Variants in UBE2E1 observed in about 807,000 individuals in gnomAD.
UBE2E1 encodes ubiquitin-conjugating enzyme E2 E1.
Under a neutral mutation model 21.4 loss-of-function variants are expected in UBE2E1, and 6 were observed. The observed-to-expected ratio is 0.28, with a 90% CI of 0.15 to 0.55. The LOEUF (loss-of-function observed/expected upper bound fraction) is 0.55. UBE2E1 is among the 20% of genes least tolerant of loss of function. UBE2E1 has a pLI of 0.93. For synonymous variants in UBE2E1, 87 were observed against 82.7 expected (o/e 1.05, Z -0.28); for missense variants, 142 against 236.5 (o/e 0.60, Z 2.62).
chr3:23,861,885 ATTC>A (rs1298477777), intron 3 of UBE2E1, among the ~76,000 whole-genome samples: 2 of 152,212 alleles, frequency 1.3e-5, no homozygotes, highest in East Asian at 3.9e-4. Context: ...ATGTGATCCT[ATTC>A]TTCTGGTATG....
chr3:23,844,446 A>AGG (rs1373947913), intron 3 of UBE2E1, among the ~76,000 whole-genome samples: 4 of 152,190 alleles, frequency 2.6e-5, no homozygotes, highest in Non-Finnish European at 5.9e-5. Flanking sequence ...TAGTATTCCA[A>AGG]GGGGTATACT....
chr3:23,822,364 C>T (rs908068792), intron 3 of UBE2E1, among the ~76,000 whole-genome samples: 14 of 152,136 alleles, frequency 9.2e-5, no homozygotes, highest in Non-Finnish European at 1.8e-4. Context: ...GTGTTATCTA[C>T]TTTCTACACT....
At chr3:23,846,688 T>A (rs1700210972) in intron 3 of UBE2E1, among the ~76,000 whole-genome samples, 1 of 96,372 alleles carries the variant, frequency 1.0e-5, no homozygotes. Context: ...AGAGCGAGAC[T>A]CCATCTCATC....
intron 3 of UBE2E1, among the ~76,000 whole-genome samples, chr3:23,874,306 T>G (rs1469390640): frequency 6.6e-6 from 1 of 152,182 alleles, no homozygotes; most frequent in Non-Finnish European, 1.5e-5. Context: ...CAGCACTAAA[T>G]GTGTGGAGGG....
At chr3:23,822,715 C>A (rs944349085) in intron 3 of UBE2E1, among the ~76,000 whole-genome samples, 1 of 152,136 alleles carries the variant, frequency 6.6e-6, no homozygotes, top group African/African-American at 2.4e-5. Context: ...TTTGCATCGA[C>A]CTTTTGTATT....
At chr3:23,822,995 T>C (rs564528065) in intron 3 of UBE2E1, among the ~76,000 whole-genome samples, 2 of 152,170 alleles carry the variant, frequency 1.3e-5, no homozygotes, top group South Asian at 2.1e-4. Flanking sequence ...TACAGGCATG[T>C]GCCACCACGC....
chr3:23,887,529 T>TGCCA lies in UBE2E1; in HGVS notation c.204-37_204-34dup, dbSNP rs760911357. The TGCCA allele has an allele frequency of 2.5e-6, 4 of 1,584,026 alleles. No individual in the cohort carries two copies. Among genetic ancestry groups the TGCCA allele is most frequent in the African/African-American group, 1.4e-5 (1 of 73,410 alleles). On this transcript the variant is annotated intron_variant, in intron 3 of 5. Coordinates refer to ENST00000306627, the MANE Select transcript of UBE2E1 (RefSeq NM_003341.5). This position sits in a 1 kb window ranked among gnomAD's most constrained non-coding sequence, Gnocchi z 4.4. The stretch of plus-strand genomic sequence containing the variant: ...TAATACACTGTAAAAATTGGGATAG[T>TGCCA]GCCACCATCTGCTTATTTGTTGACG...
intron 3 of UBE2E1, among the ~76,000 whole-genome samples, chr3:23,843,198 A>G (rs1285336681): frequency 1.3e-5 from 2 of 152,154 alleles, no homozygotes; most frequent in African/African-American, 4.8e-5. Context: ...ACAGGGACAG[A>G]GGCAAGACCA....
chr3:23,860,150 G>C (rs978041770), intron 3 of UBE2E1, among the ~76,000 whole-genome samples: 4 of 152,204 alleles, frequency 2.6e-5, no homozygotes, highest in Admixed American at 2.6e-4. Flanking sequence ...TTTGCTGCCA[G>C]CTTGCTCTCA....
intron 1 of UBE2E1, 104 bp from the exon 2 acceptor site, chr3:23,807,133 G>C: frequency 1.1e-6 from 1 of 943,240 alleles, no homozygotes; most frequent in South Asian, 2.0e-5. Context: ...GCGGTGGGCG[G>C]CCGCGTGCGC....
chr3:23,868,608 C>T (rs1428496922), intron 3 of UBE2E1, among the ~76,000 whole-genome samples: 1 of 152,106 alleles, frequency 6.6e-6, no homozygotes, highest in African/African-American at 2.4e-5. Context: ...TGCCTGGCCA[C>T]TTTTACTTTC....
intron 3 of UBE2E1, among the ~76,000 whole-genome samples, chr3:23,838,705 C>T (rs1324411250): frequency 1.3e-5 from 2 of 152,060 alleles, no homozygotes. Flanking sequence ...CCATGTTGGC[C>T]AGGCTGTTCG....
At chr3:23,875,035 CT>C (rs1227471486) in intron 3 of UBE2E1, among the ~76,000 whole-genome samples, 2 of 152,192 alleles carry the variant, frequency 1.3e-5, no homozygotes, top group Non-Finnish European at 2.9e-5. Flanking sequence ...GTCTGCTCTT[CT>C]TTTGTCATCC....
At chr3:23,825,343 C>A (rs1053653000) in intron 3 of UBE2E1, among the ~76,000 whole-genome samples, 1 of 152,162 alleles carries the variant, frequency 6.6e-6, no homozygotes, top group Admixed American at 6.5e-5. Flanking sequence ...CATTTTTTGG[C>A]CCTTTGATTG....
chr3:23,827,003 C>A (rs1019544870), intron 3 of UBE2E1, among the ~76,000 whole-genome samples: 2 of 152,026 alleles, frequency 1.3e-5, no homozygotes, highest in African/African-American at 4.8e-5. Flanking sequence ...TGCTAAAGGA[C>A]CAGTTTCTCA....
rs1352302572 is a variant in UBE2E1 at position 23,863,745 on chromosome 3, G to T, written c.204-23822G>T. On this transcript the variant is annotated intron_variant, in intron 3 of 5. Coordinates refer to ENST00000306627, the MANE Select transcript of UBE2E1 (RefSeq NM_003341.5). This position sits in a 1 kb window ranked among gnomAD's most constrained non-coding sequence, Gnocchi z 4.3. Reference sequence around the variant, plus strand: ...GGGTTTCTCCATGTTGGTCAGGCTGGTCTCAAACTCCCGATCTCAGGTCAT... The same window carrying T: ...GGGTTTCTCCATGTTGGTCAGGCTGTTCTCAAACTCCCGATCTCAGGTCAT... Among the ~76,000 whole-genome samples, 1 of 152,034 alleles carries T rather than the reference G, an allele frequency of 6.6e-6. No homozygotes were observed. The highest frequency in any genetic ancestry group is 2.1e-4 in the South Asian group (1 of 4,818).
rs763364132 is a variant in UBE2E1, at chr3:23,836,651, A to T, written c.203+25141A>T. Among the ~76,000 whole-genome samples the T allele has an allele frequency of 6.6e-6, 1 of 152,220 alleles. No homozygotes were observed. The highest frequency in any genetic ancestry group is 1.5e-5 in the Non-Finnish European group (1 of 68,036). ...TCATTTTACAAATGAACACACTCAG[A>T]TCTAGGGAAGTGAGGTGACTTTCCT... On this transcript the variant is annotated intron_variant, in intron 3 of 5. Coordinates refer to ENST00000306627, the MANE Select transcript of UBE2E1 (RefSeq NM_003341.5). This position sits in a 1 kb window ranked among gnomAD's most constrained non-coding sequence, Gnocchi z 4.1.
Position 23,822,939 on chromosome 3 carries a change from C to T in UBE2E1, c.203+11429C>T, listed in dbSNP as rs140469111. Among the ~76,000 whole-genome samples, 466 of 151,640 alleles carry T rather than the reference C, an allele frequency of 3.1e-3. 1 individual carries two copies. The highest frequency in any genetic ancestry group is 0.011 in the African/African-American group (436 of 41,316). ...TTGGCTCACTGTTACCTGTGCCTCC[C>T]GGGTTCTAGCGATTCTCCTGTCTCA... On this transcript the variant is annotated intron_variant, in intron 3 of 5. Transcript: ENST00000306627.
Position 23,876,277 on chromosome 3 carries a change from T to G in UBE2E1, c.204-11290T>G, listed in dbSNP as rs923991701. Among the ~76,000 whole-genome samples the G allele has an allele frequency of 1.3e-5, 2 of 152,210 alleles. No individual in the cohort carries two copies. The highest frequency in any genetic ancestry group is 4.8e-5 in the African/African-American group (2 of 41,446). ...AGGACTATGGCAGTGGTCGCCCTGC[T>G]TTTTAATAGCACTTACAAAATCGTG... On this transcript the variant is annotated intron_variant, in intron 3 of 5. Coordinates refer to ENST00000306627, the MANE Select transcript of UBE2E1 (RefSeq NM_003341.5). This position sits in a 1 kb window ranked among gnomAD's most constrained non-coding sequence, Gnocchi z 4.3.
Sources: gnomAD v4.1 joint callset for allele counts (sites outside exome capture counted in the v4.1 genomes callset) on GRCh38, gnomAD v4.1.1 for gene constraint, Gnocchi (gnomAD v3.1) non-coding constraint, MANE v1.5 for transcripts, NCBI Gene and HGNC (gene_info 2026-07-23, HGNC 2026-07-21) for gene names.